Variants in NTM observed in about 807,000 individuals in gnomAD.
The protein encoded by NTM is neurotrimin.
Under a neutral mutation model 42.1 loss-of-function variants are expected in NTM, and 13 were observed. The ratio of observed to expected loss-of-function variants is 0.31; its 90% CI spans 0.20 to 0.49. The LOEUF is 0.49. Among genes scored for constraint, NTM ranks in the 20% least tolerant of loss-of-function variants. NTM has a pLI of 0.99. For synonymous variants in NTM, 187 were observed against 179.2 expected (o/e 1.04, Z -0.35); for missense variants, 373 against 452.8 (o/e 0.82, Z 1.60).
chr11:131,649,994 T>C (rs753547734), intron 1 of NTM, among the ~76,000 whole-genome samples: 14 of 152,150 alleles, frequency 9.2e-5, no homozygotes, highest in Non-Finnish European at 2.1e-4. Flanking sequence ...GTTTATCTGA[T>C]GAAGCACACC....
chr11:131,829,312 A>G (rs1416237698), intron 1 of NTM, among the ~76,000 whole-genome samples: 1 of 152,118 alleles, frequency 6.6e-6, no homozygotes, highest in Non-Finnish European at 1.5e-5. Context: ...ATAGTATCCA[A>G]TAGTTTATCA....
At chr11:132,266,673 G>A (rs767118503) in intron 4 of NTM, among the ~76,000 whole-genome samples, 6 of 152,164 alleles carry the variant, frequency 3.9e-5, no homozygotes, top group African/African-American at 1.2e-4. Flanking sequence ...GTGAGAAAGA[G>A]AATCCAAGTG....
At chr11:131,875,837 G>A (rs909159741) in intron 1 of NTM, among the ~76,000 whole-genome samples, 3 of 152,084 alleles carry the variant, frequency 2.0e-5, no homozygotes, top group African/African-American at 4.8e-5. Flanking sequence ...GTTTATTCTC[G>A]ATTACTCCCT....
intron 1 of NTM, among the ~76,000 whole-genome samples, chr11:131,703,026 AACTAT>A (rs959272790): frequency 3.9e-5 from 6 of 152,220 alleles, no homozygotes; most frequent in African/African-American, 7.2e-5. Flanking sequence ...ATCACTGATT[AACTAT>A]TAGTGAAAAA....
At position 131,699,909 on chromosome 11, in the gene NTM, G is replaced by GGTGTGTGT. The variant is rs10577927; in HGVS notation, c.83-211608_83-211601dup. On this transcript the variant is annotated intron_variant, in intron 1 of 8. Transcript: ENST00000683400. ...AACCATATCACTAGCCAAAGCAGCAGGTGTGTGTGTGTGTGTGTGTGTGTG... is the reference window on the plus strand; with the variant it reads ...AACCATATCACTAGCCAAAGCAGCAGGTGTGTGTGTGTGTGTGTGTGTGTGTGTGTGTG... Among the ~76,000 whole-genome samples the GGTGTGTGT allele has an allele frequency of 3.3e-3, 437 of 130,548 alleles. 6 individuals carry two copies. Among genetic ancestry groups the GGTGTGTGT allele is most frequent in the African/African-American group, 0.01 (367 of 35,412 alleles). 85.6% of individuals were successfully genotyped at this position (130,548 alleles called of 152,430 possible).
chr11:132,091,309 T>G (rs7118518), intron 2 of NTM, among the ~76,000 whole-genome samples: 108,976 of 151,750 alleles, frequency 0.72, 40,129 homozygotes, highest in African/African-American at 0.84. Flanking sequence ...TTGGGAGGCT[T>G]AGGCAGGAGA....
Position 131,789,465 on chromosome 11 carries a change from AGAAGAAGAAGAAGAAGAAGAAGAAGAG to A in NTM, c.83-122095_83-122069del, listed in dbSNP as rs2089958789. On this transcript the variant is annotated intron_variant, in intron 1 of 8. Transcript: ENST00000683400. ...AAGAAGAAGAAGAAGAAGAAGAAGAAGAAGAAGAAGAAGAAGAAGAAGAAGAGGAAAGAAGAAGAAGAAGAAGAAGAA... is the reference window on the plus strand; with the variant it reads ...AAGAAGAAGAAGAAGAAGAAGAAGAAGAAAGAAGAAGAAGAAGAAGAAGAA... Among the ~76,000 whole-genome samples the A allele has an allele frequency of 3.0e-3, 42 of 14,010 alleles. 13 individuals are homozygous for A. Among genetic ancestry groups the A allele is most frequent in the South Asian group, 0.022 (7 of 322 alleles). The allele number at this position is 14,010 out of a possible 152,430, so 9.2% of individuals were successfully genotyped here. A position where few individuals can be genotyped will look rare whatever the true frequency, so the allele number is the denominator to read the frequency against.
chr11:131,396,466 A>G (rs1188946794), intron 1 of NTM, among the ~76,000 whole-genome samples: 1 of 152,094 alleles, frequency 6.6e-6, no homozygotes, highest in Non-Finnish European at 1.5e-5. Context: ...TTTAGATCAT[A>G]TTTCACCAGC....
intron 1 of NTM, among the ~76,000 whole-genome samples, chr11:131,715,388 G>A (rs577942418): frequency 1.3e-5 from 2 of 152,330 alleles, no homozygotes; most frequent in South Asian, 4.1e-4. Context: ...GGACAAATAA[G>A]AGGAAGAATT....
chr11:131,741,287 T>C (rs538322561), intron 1 of NTM, among the ~76,000 whole-genome samples: 8 of 150,458 alleles, frequency 5.3e-5, no homozygotes, highest in Non-Finnish European at 1.2e-4. Context: ...CTGGGTTTGG[T>C]TGGAAGGAGA....
intron 2 of NTM, among the ~76,000 whole-genome samples, chr11:131,981,839 C>T (rs2065282851): frequency 6.6e-6 from 1 of 151,868 alleles, no homozygotes; most frequent in African/African-American, 2.4e-5. Context: ...GGCGAAACCC[C>T]ATCTCTACTA....
At chr11:132,238,882 C>T (rs181661098) in intron 4 of NTM, among the ~76,000 whole-genome samples, 33 of 152,304 alleles carry the variant, frequency 2.2e-4, no homozygotes, top group African/African-American at 7.5e-4. Flanking sequence ...TGTTGCAGGT[C>T]CACAGCAAAA....
chr11:131,373,385 T>G (rs1426854039), intron 1 of NTM, among the ~76,000 whole-genome samples: 1 of 152,096 alleles, frequency 6.6e-6, no homozygotes, highest in African/African-American at 2.4e-5. Context: ...TCCTGCCTCT[T>G]GAAAAGGTGT....
chr11:131,403,348 T>C (rs1478229266), intron 1 of NTM, among the ~76,000 whole-genome samples: 2 of 152,218 alleles, frequency 1.3e-5, no homozygotes, highest in African/African-American at 2.4e-5. Flanking sequence ...TTACTTTCTA[T>C]AGATGCTTTG....
At chr11:131,800,149 G>A (rs1330939740) in intron 1 of NTM, among the ~76,000 whole-genome samples, 1 of 152,162 alleles carries the variant, frequency 6.6e-6, no homozygotes, top group Non-Finnish European at 1.5e-5. Context: ...TAAAGTACAC[G>A]TACTTACAAA....
Position 132,146,382 on chromosome 11 carries a change from C to A in NTM, c.268C>A (p.Leu90Ile), listed in dbSNP as rs563856288. ...DKWCLDPRVV[L>I]LSNTQTQYSI... ...GTGGTGCCTGGATCCTCGCGTGGTCCTTCTGAGCAACACCCAAACGCAGTA... is the reference window on the plus strand; with the variant it reads ...GTGGTGCCTGGATCCTCGCGTGGTCATTCTGAGCAACACCCAAACGCAGTA... Residue 90 changes from leucine (L) to isoleucine (I), a missense_variant, in exon 3 of 9, where the codon CTT (leucine) becomes ATT (isoleucine). Physicochemically the swap from Leu to Ile is conservative, Grantham distance 5. Coordinates refer to ENST00000683400, the MANE Select transcript of NTM (RefSeq NM_001352005.2). The surrounding 1 kb of genome is among the most constrained non-coding windows in gnomAD (Gnocchi z 4.5). The A allele has an allele frequency of 1.2e-6, 2 of 1,614,202 alleles. No homozygotes were observed. Among genetic ancestry groups the A allele is most frequent in the Non-Finnish European group, 1.7e-6 (2 of 1,180,036 alleles).
intron 4 of NTM, among the ~76,000 whole-genome samples, chr11:132,267,708 G>C (rs1234164014): frequency 6.6e-6 from 1 of 151,822 alleles, no homozygotes; most frequent in Non-Finnish European, 1.5e-5. Flanking sequence ...CCCAGCTGAG[G>C]TGGGAGAATT....
chr11:131,434,385 C>T (rs890151387), intron 1 of NTM, among the ~76,000 whole-genome samples: 3 of 152,204 alleles, frequency 2.0e-5, no homozygotes, highest in Non-Finnish European at 4.4e-5. Flanking sequence ...AATGGCTGAA[C>T]TAATTTACAC....
chr11:131,762,910 G>GC, intron 1 of NTM, among the ~76,000 whole-genome samples: 1 of 152,226 alleles, frequency 6.6e-6, no homozygotes, highest in Non-Finnish European at 1.5e-5. Flanking sequence ...TCACCGCTGA[G>GC]CGATGCCATG....
Sources: gnomAD v4.1 joint callset for allele counts (sites outside exome capture counted in the v4.1 genomes callset) on GRCh38, gnomAD v4.1.1 for gene constraint, Gnocchi (gnomAD v3.1) non-coding constraint, MANE v1.5 for transcripts, NCBI Gene and HGNC (gene_info 2026-07-23, HGNC 2026-07-21) for gene names.